MAP3K2: variants seen among roughly 807,000 people sequenced by gnomAD.
The protein encoded by MAP3K2 is mitogen-activated protein kinase kinase kinase 2, also known as MAP/ERK kinase kinase 2.
A neutral mutation model predicts 80.3 loss-of-function variants in MAP3K2; 24 were observed. The ratio of observed to expected loss-of-function variants is 0.30; its 90% CI spans 0.22 to 0.42. MAP3K2 has a LOEUF of 0.42. Ranked by LOEUF, MAP3K2 falls within the 10% of genes least tolerant of loss-of-function variation. MAP3K2 has a pLI of 1.00. For synonymous variants in MAP3K2, 244 were observed against 253.7 expected, an observed-to-expected ratio of 0.96 and a Z score of 0.36; for missense variants, 608 against 750.1, an observed-to-expected ratio of 0.81 and a Z score of 2.21.
Position 127,322,306 on chromosome 2 carries a change from T to A in MAP3K2, c.839-54A>T. On this transcript the variant is annotated intron_variant, in intron 11 of 16. Coordinates refer to ENST00000682094, the MANE Select transcript of MAP3K2 (RefSeq NM_001371910.2). The surrounding 1 kb of genome is among the most constrained non-coding windows in gnomAD (Gnocchi z 4.2). ...ACCTTTTATTAATATGTTATACTTTTAAAGTATTTAAAATTTGTAATGTAG... is the reference window on the plus strand; with the variant it reads ...ACCTTTTATTAATATGTTATACTTTAAAAGTATTTAAAATTTGTAATGTAG... 1 of 1,142,394 alleles carries A rather than the reference T, an allele frequency of 8.8e-7. No homozygotes were observed. The highest frequency in any genetic ancestry group is 1.2e-6 in the Non-Finnish European group (1 of 801,358). 70.8% of individuals were successfully genotyped at this position (1,142,394 alleles called of 1,614,324 possible).
At chr2:127,341,348 T>C (rs921349266) in intron 2 of MAP3K2, among the ~76,000 whole-genome samples, 4 of 151,868 alleles carry the variant, frequency 2.6e-5, no homozygotes, top group Admixed American at 2.0e-4. Flanking sequence ...TTCTGTTATA[T>C]ATGTAAAAAA....
chr2:127,346,096 A>G (rs1686590470), intron 1 of MAP3K2, among the ~76,000 whole-genome samples: 1 of 151,992 alleles, frequency 6.6e-6, no homozygotes, highest in Non-Finnish European at 1.5e-5. Context: ...TAGCTAATCA[A>G]AAAAAGAAGA....
At chr2:127,314,727 T>C in intron 15 of MAP3K2, 27 bp downstream of exon 15, 1 of 1,558,408 alleles carries the variant, frequency 6.4e-7, no homozygotes, top group Non-Finnish European at 8.8e-7. Flanking sequence ...ACTGTGTACT[T>C]AAAATAGAAA....
In MAP3K2 at chr2:127,318,155, G is replaced by A; in HGVS notation, c.1194+14C>T. On this transcript the variant is annotated intron_variant, in intron 13 of 16. Coordinates refer to ENST00000682094, the MANE Select transcript of MAP3K2 (RefSeq NM_001371910.2). ...CTTATAATGTGACAAAGTAATTTGT[G>A]CAGTGATTTTTACCTTGCTGGTCTC... 6.4e-7 allele frequency: 1 copy of A among 1,565,758 alleles called. No homozygotes were observed.
At chr2:127,344,945 C>T (rs1029587880) in intron 1 of MAP3K2, among the ~76,000 whole-genome samples, 2 of 152,086 alleles carry the variant, frequency 1.3e-5, no homozygotes, top group Admixed American at 6.6e-5. Flanking sequence ...CTCACTGCAG[C>T]CTTGATCTGC....
At chr2:127,323,762 A>G (rs1573983818) in intron 11 of MAP3K2, 140 bp downstream of exon 11, 2 of 467,332 alleles carry the variant, frequency 4.3e-6, no homozygotes, top group East Asian at 6.8e-5. Context: ...CAAAATGCCC[A>G]TTATACTTTT....
At chr2:127,360,099 A>G (rs1686858761) in intron 1 of MAP3K2, among the ~76,000 whole-genome samples, 3 of 152,238 alleles carry the variant, frequency 2.0e-5, no homozygotes, top group Non-Finnish European at 2.9e-5. Context: ...GTAATAGCCC[A>G]AAAGTGGAAA....
At chr2:127,374,822 G>T (rs1687122369) in intron 1 of MAP3K2, among the ~76,000 whole-genome samples, 1 of 152,064 alleles carries the variant, frequency 6.6e-6, no homozygotes, top group African/African-American at 2.4e-5. Context: ...CAACAATTTT[G>T]TCACACATGG....
rs1439524763 is a variant in MAP3K2, at chr2:127,353,777, A to G, written c.-65-10583T>C. Among the ~76,000 whole-genome samples the G allele has an allele frequency of 2.0e-5, 3 of 152,126 alleles. No homozygotes were observed. The East Asian group carries it at 5.8e-4, about 29-fold the overall frequency. ...CTCATTGAGAACGGGCCATGATGAC[A>G]ATGGCAGTTTTGTGGAATAGAAAAG... On this transcript the variant is annotated intron_variant, in intron 1 of 16. Transcript: ENST00000682094.
chr2:127,318,331 C>T lies in MAP3K2; in HGVS notation c.1046-14G>A, dbSNP rs776812279. ...GAGCTCGAGGTGCTGAAAAAGAACA[C>T]TTTCTTAAAGTGAAATATCAAACAG... On this transcript the variant is annotated splice_polypyrimidine_tract_variant and intron_variant, in intron 12 of 16. Transcript: ENST00000682094. The T allele has an allele frequency of 4.1e-5, 64 of 1,564,302 alleles. No homozygotes were observed. Among genetic ancestry groups the T allele is most frequent in the Non-Finnish European group, 7.8e-6 (9 of 1,158,524 alleles).
chr2:127,316,358 C>T (rs918201345), intron 14 of MAP3K2, among the ~76,000 whole-genome samples: 5 of 152,062 alleles, frequency 3.3e-5, no homozygotes, highest in African/African-American at 1.2e-4. Flanking sequence ...GCAACAAGAG[C>T]GAAACTCCAT....
intron 15 of MAP3K2, among the ~76,000 whole-genome samples, chr2:127,312,685 G>A (rs897614514): frequency 7.9e-5 from 12 of 151,914 alleles, no homozygotes; most frequent in African/African-American, 1.5e-4. Context: ...AACAAAGGCC[G>A]GGCACGGTAG....
rs940522499 is a variant in MAP3K2 at position 127,348,797 on chromosome 2, G to A, written c.-65-5603C>T. Among the ~76,000 whole-genome samples the A allele has an allele frequency of 2.0e-5, 3 of 152,226 alleles. No homozygotes were observed. The East Asian group carries it at 5.8e-4, about 29-fold the overall frequency. On this transcript the variant is annotated intron_variant, in intron 1 of 16. Coordinates refer to ENST00000682094, the MANE Select transcript of MAP3K2 (RefSeq NM_001371910.2). ...GAAAGGAAGGAAACAAAATAGAAGTGGCTGGTTCTATGAATAACTAGAGAT... is the reference window on the plus strand; with the variant it reads ...GAAAGGAAGGAAACAAAATAGAAGTAGCTGGTTCTATGAATAACTAGAGAT...
At chr2:127,359,946 A>G (rs1004338557) in intron 1 of MAP3K2, among the ~76,000 whole-genome samples, 1 of 152,202 alleles carries the variant, frequency 6.6e-6, no homozygotes, top group African/African-American at 2.4e-5. Flanking sequence ...AGTCTTGGGT[A>G]TTTCTTTATA....
chr2:127,385,973 T>C (rs997309999), intron 1 of MAP3K2, among the ~76,000 whole-genome samples: 3 of 152,248 alleles, frequency 2.0e-5, no homozygotes, highest in Admixed American at 2.0e-4. Flanking sequence ...TGATATCATA[T>C]ACAACATAAT....
Position 127,305,418 on chromosome 2 carries a change from A to G in MAP3K2, c.*2161T>C, listed in dbSNP as rs566024497. On this transcript the variant is annotated 3_prime_UTR_variant, in exon 17 of 17. Transcript: ENST00000682094. ...TGCAAACTGCTTCAATTTTAAGAAT[A>G]TGAGAGAAGCGTTGACAATTAATTT... The G allele has an allele frequency of 3.9e-5, 6 of 152,304 alleles. No homozygotes were observed. Among genetic ancestry groups the G allele is most frequent in the African/African-American group, 1.4e-4 (6 of 41,588 alleles). 9.4% of individuals were successfully genotyped at this position (152,304 alleles called of 1,614,324 possible). A position where few individuals can be genotyped will look rare whatever the true frequency, so the allele number is the denominator to read the frequency against.
Position 127,307,701 on chromosome 2 carries a change from G to C in MAP3K2, c.1738C>G (p.Pro580Ala). 1 of 1,597,488 alleles carries C rather than the reference G, an allele frequency of 6.3e-7. No individual in the cohort carries two copies. The highest frequency in any genetic ancestry group is 8.5e-7 in the Non-Finnish European group (1 of 1,171,414). Residue 580 changes from proline to alanine, a missense_variant, in exon 17 of 17, where the codon CCA becomes GCA. Transcript: ENST00000682094. This position sits in a 1 kb window ranked among gnomAD's most constrained non-coding sequence, Gnocchi z 5.4. ...TCTGAGACATGAGGTGGCAGCTTTG[G>C]GTTTGTTGGCTGAGTGGCGATTTTA... ...IFKIATQPTN[P>A]KLPPHVSDYT...
intron 14 of MAP3K2, among the ~76,000 whole-genome samples, chr2:127,315,350 G>T (rs1238634265): frequency 6.6e-6 from 1 of 152,138 alleles, no homozygotes; most frequent in Admixed American, 6.5e-5. Context: ...CTTCCTGAGG[G>T]ACAAATCTCT....
chr2:127,314,947 A>T, intron 14 of MAP3K2, 64 bp from the exon 15 acceptor site: 2 of 1,190,792 alleles, frequency 1.7e-6, no homozygotes, highest in Non-Finnish European at 2.4e-6. Context: ...ACTGCTATTA[A>T]ATCTTTATCA....
Sources: allele counts gnomAD v4.1 joint callset (sites outside exome capture counted in the v4.1 genomes callset), GRCh38; gene constraint gnomAD v4.1.1; non-coding constraint Gnocchi (gnomAD v3.1); transcripts MANE v1.5; gene names NCBI Gene and HGNC (gene_info 2026-07-23, HGNC 2026-07-21).